The following BTK variants were observed in gnomAD, a reference collection of about 807,000 sequenced individuals.
BTK encodes tyrosine-protein kinase BTK.
In BTK, 5 loss-of-function variants were observed where a neutral mutation model predicts 57.4. That is an observed-to-expected ratio of 0.09 (90% CI 0.05 to 0.18). The LOEUF (loss-of-function observed/expected upper bound fraction) is 0.18, where lower values mean the gene tolerates loss of function less well. Ranked by LOEUF, BTK falls within the 10% of genes least tolerant of loss-of-function variation. The pLI, the probability that BTK is intolerant of heterozygous loss-of-function variation, is 1.00. For missense variants in BTK, 194 were observed against 501.2 expected, an observed-to-expected ratio of 0.39 and a Z score of 5.85; for synonymous variants, 154 against 174.3, an observed-to-expected ratio of 0.88 and a Z score of 0.92.
rs781942193 is a variant in BTK at position 101,382,311 on chromosome X, T to TTTTATTTATTTATTTATTTATTTA, written c.-31+3727_-31+3750dup. On this transcript the variant is annotated intron_variant, in intron 1 of 18. Transcript: ENST00000308731. Reference sequence around the variant, plus strand: ...TCTGGTTCTTCCACAGCAGTTCATGTTTTATTTATTTATTTATTTATTTAT... The same window carrying TTTTATTTATTTATTTATTTATTTA: ...TCTGGTTCTTCCACAGCAGTTCATGTTTTATTTATTTATTTATTTATTTATTTATTTATTTATTTATTTATTTAT... Among the ~76,000 whole-genome samples, 490 of 104,464 alleles carry TTTTATTTATTTATTTATTTATTTA rather than the reference T, an allele frequency of 4.7e-3. 5 individuals are homozygous for TTTTATTTATTTATTTATTTATTTA. Among genetic ancestry groups the TTTTATTTATTTATTTATTTATTTA allele is most frequent in the African/African-American group, 0.016 (442 of 27,248 alleles). The allele number at this position is 104,464 out of a possible 115,157, so 90.7% of individuals were successfully genotyped here. A position where few individuals can be genotyped will look rare whatever the true frequency, so the allele number is the denominator to read the frequency against.
upstream of BTK, chrX:101,390,417 CCTTTT>C: frequency 4.0e-6 from 2 of 504,699 alleles, no homozygotes; most frequent in Non-Finnish European, 7.1e-6. Flanking sequence ...AATCATTGTT[CCTTTT>C]CTTCAAAGTA....
intron 14 of BTK, 60 bp downstream of exon 14, chrX:101,356,724 T>C: frequency 8.5e-7 from 1 of 1,174,866 alleles, no homozygotes. Context: ...CAGTGGGTTG[T>C]TGTGTGAATT....
chrX:101,381,023 A>G (rs1927401314), intron 1 of BTK, among the ~76,000 whole-genome samples: 1 of 107,817 alleles, frequency 9.3e-6, no homozygotes, highest in African/African-American at 3.3e-5. Context: ...AAAAAAAAAA[A>G]AAAAAGAAAA....
chrX:101,390,492 A>G (rs1555983077), upstream of BTK: 2 of 514,281 alleles, frequency 3.9e-6, no homozygotes, highest in African/African-American at 4.6e-5. Context: ...CCCCCGGAAC[A>G]GTGCCTGCCA....
chrX:101,371,549 G>T, intron 4 of BTK, 84 bp downstream of exon 4: 1 of 837,903 alleles, frequency 1.2e-6, no homozygotes, highest in Non-Finnish European at 1.8e-6. Context: ...GGTCCTCGTA[G>T]CCTTCCCTCT....
intron 5 of BTK, among the ~76,000 whole-genome samples, chrX:101,365,526 T>A (rs782352806): frequency 8.9e-6 from 1 of 111,834 alleles, no homozygotes; most frequent in African/African-American, 3.2e-5. Flanking sequence ...GGTGTACAAG[T>A]GGGAGGGCTG....
chrX:101,385,875 A>T (rs1182667402), intron 1 of BTK, among the ~76,000 whole-genome samples, 187 bp downstream of exon 1: 2 of 110,720 alleles, frequency 1.8e-5, no homozygotes, highest in African/African-American at 6.6e-5. Flanking sequence ...GTCGGAAAGG[A>T]CCCTTTCGGC....
intron 11 of BTK, 76 bp downstream of exon 11, chrX:101,358,541 C>A (rs1012321901): frequency 3.4e-6 from 4 of 1,171,148 alleles, no homozygotes; most frequent in East Asian, 6.0e-5. Flanking sequence ...GGAAGTGGGA[C>A]GGGCACAGCA....
At chrX:101,379,180 TA>T (rs56368552) in intron 1 of BTK, among the ~76,000 whole-genome samples, 7,780 of 87,546 alleles carry the variant, frequency 0.089, 833 homozygotes, top group African/African-American at 0.32. Flanking sequence ...AAAATAAAAA[TA>T]AAAAAAAAAA....
At chrX:101,381,415 G>C (rs1041395124) in intron 1 of BTK, among the ~76,000 whole-genome samples, 2 of 111,867 alleles carry the variant, frequency 1.8e-5, no homozygotes, top group East Asian at 2.8e-4. Flanking sequence ...AAATGTGGTA[G>C]AATTATCAAC....
intron 1 of BTK, among the ~76,000 whole-genome samples, chrX:101,375,521 C>T (rs1461907133): frequency 3.6e-5 from 4 of 111,628 alleles, no homozygotes; most frequent in African/African-American, 1.3e-4. Flanking sequence ...GGGATTGGTT[C>T]GATGTTGTGA....
At chrX:101,357,701 A>T (rs1926533677) in intron 12 of BTK, 118 bp from the exon 13 acceptor site, 1 of 623,263 alleles carries the variant, frequency 1.6e-6, no homozygotes, top group Non-Finnish European at 2.7e-6. Context: ...TTTGAATCCC[A>T]GAAGACCTCC....
intron 9 of BTK, 83 bp from the exon 10 acceptor site, chrX:101,359,430 C>T: frequency 1.1e-6 from 1 of 921,943 alleles, no homozygotes; most frequent in Non-Finnish European, 1.6e-6. Context: ...TTGTCCATGT[C>T]AGTGATTCAG....
intron 4 of BTK, among the ~76,000 whole-genome samples, 198 bp from the exon 5 acceptor site, chrX:101,370,277 C>T (rs781848447): frequency 1.8e-5 from 2 of 111,858 alleles, no homozygotes; most frequent in Non-Finnish European, 3.8e-5. Flanking sequence ...AGGAATGTAG[C>T]GTTTAAAAGC....
chrX:101,380,852 T>G (rs1316945552), intron 1 of BTK, among the ~76,000 whole-genome samples: 2 of 106,213 alleles, frequency 1.9e-5, no homozygotes, highest in Non-Finnish European at 3.8e-5. Context: ...CTGTCTCTAC[T>G]AAAAATACAA....
chrX:101,361,071 C>T (rs1555978582), intron 7 of BTK, among the ~76,000 whole-genome samples: 1 of 110,537 alleles, frequency 9.0e-6, no homozygotes, highest in Admixed American at 9.7e-5. Flanking sequence ...CAAAAATCAG[C>T]TGGGCATGGT....
chrX:101,367,788 AGTCTG>A (rs1555979710), intron 5 of BTK, among the ~76,000 whole-genome samples: 2 of 111,770 alleles, frequency 1.8e-5, no homozygotes, highest in African/African-American at 6.5e-5. Flanking sequence ...TCCTTCAGCT[AGTCTG>A]CCTTGCATTC....
intron 16 of BTK, 35 bp from the exon 17 acceptor site, chrX:101,354,023 T>C: frequency 1.9e-6 from 2 of 1,038,721 alleles, no homozygotes; most frequent in Non-Finnish European, 2.7e-6. Context: ...CATTAGGATT[T>C]GGAGGCTTGA....
At chrX:101,371,161 G>A (rs1167403417) in intron 4 of BTK, among the ~76,000 whole-genome samples, 1 of 112,152 alleles carries the variant, frequency 8.9e-6, no homozygotes, top group Non-Finnish European at 1.9e-5. Context: ...CTAAACAGAT[G>A]CATATGTGGC....
Sources: allele counts gnomAD v4.1 joint callset (sites outside exome capture counted in the v4.1 genomes callset), GRCh38; gene constraint gnomAD v4.1.1; transcripts MANE v1.5; gene names NCBI Gene and HGNC (gene_info 2026-07-23, HGNC 2026-07-21).